Variants in ACVRL1 observed in about 807,000 individuals in gnomAD.
ACVRL1 encodes the protein activin receptor type-1-like.
In ACVRL1, 20 loss-of-function variants were observed where a neutral mutation model predicts 51.9. That is an observed-to-expected ratio of 0.39 (90% CI 0.27 to 0.56). The LOEUF (loss-of-function observed/expected upper bound fraction) is 0.56, where lower values mean the gene tolerates loss of function less well. Ranked by LOEUF, ACVRL1 falls within the 20% of genes least tolerant of loss-of-function variation. The pLI, the probability that ACVRL1 is intolerant of heterozygous loss-of-function variation, is 0.67. For missense variants in ACVRL1, 451 were observed against 670.3 expected (o/e 0.67, Z 3.61); for synonymous variants, 288 against 280.9 (o/e 1.03, Z -0.25).
intron 1 of ACVRL1, among the ~76,000 whole-genome samples, chr12:51,908,394 C>A (rs1940634887): frequency 2.0e-5 from 3 of 152,336 alleles, no homozygotes; most frequent in South Asian, 4.1e-4. Flanking sequence ...CTATGTATGG[C>A]CAGCTTCTGG....
chr12:51,912,584 G>T (rs1305778374), intron 2 of ACVRL1, 49 bp downstream of exon 2: 1 of 1,483,334 alleles, frequency 6.7e-7, no homozygotes, highest in Non-Finnish European at 9.4e-7. Context: ...ATACAGAAAG[G>T]GCTATCTGGG....
At position 51,920,729 on chromosome 12, in the gene ACVRL1, T is replaced by C. The variant is rs142910573; in HGVS notation, c.1378-30T>C. On this transcript the variant is annotated intron_variant, in intron 9 of 9. Transcript: ENST00000388922. ...TCTCTGCATCTCTCTCTCTGCCTCC[T>C]CTCCTCTGCACCTCTCTCCCAACCC... The C allele has an allele frequency of 0.022, 35,911 of 1,611,570 alleles. 537 individuals carry two copies. The highest frequency in any genetic ancestry group is 0.025 in the Non-Finnish European group (29,726 of 1,179,320).
chr12:51,914,702 GCATC>G, intron 6 of ACVRL1, 117 bp downstream of exon 6: 1 of 720,322 alleles, frequency 1.4e-6, no homozygotes, highest in Non-Finnish European at 2.1e-6. Flanking sequence ...CCCACCTGCA[GCATC>G]AACCTCTTTT....
At chr12:51,919,970 A>G (rs934104056) in intron 9 of ACVRL1, among the ~76,000 whole-genome samples, 1 of 152,152 alleles carries the variant, frequency 6.6e-6, no homozygotes, top group Non-Finnish European at 1.5e-5. Flanking sequence ...GCTAATAAAT[A>G]TTTACTGAAA....
intron 4 of ACVRL1, 97 bp downstream of exon 4, chr12:51,913,867 T>C (rs1298882306): frequency 5.1e-6 from 8 of 1,571,204 alleles, no homozygotes; most frequent in Non-Finnish European, 6.9e-6. Context: ...GGTGGGGAGC[T>C]GGGCGAGTGA....
intron 1 of ACVRL1, among the ~76,000 whole-genome samples, chr12:51,908,615 C>G (rs1940638165): frequency 6.6e-6 from 1 of 152,150 alleles, no homozygotes; most frequent in Admixed American, 6.5e-5. Flanking sequence ...TGGGACTTGT[C>G]CAAAACTCCT....
At chr12:51,915,829 T>C (rs1415087597) in intron 7 of ACVRL1, 11 of 653,806 alleles carry the variant, frequency 1.7e-5, no homozygotes, top group East Asian at 1.4e-4. Flanking sequence ...TCTCGCTGGG[T>C]TCTTGGGAAC....
At chr12:51,915,539 G>A (rs1940815751) in intron 7 of ACVRL1, 39 bp downstream of exon 7, 1 of 1,582,518 alleles carries the variant, frequency 6.3e-7, no homozygotes, top group African/African-American at 1.3e-5. Flanking sequence ...TTCACAGGTG[G>A]GCGGAGCTTG....
In ACVRL1 at chr12:51,913,586, G is replaced by T; in HGVS notation, c.341G>T (p.Gly114Val). The T allele has an allele frequency of 1.3e-6, 2 of 1,599,802 alleles. No individual in the cohort carries two copies. The highest frequency in any genetic ancestry group is 1.1e-5 in the South Asian group (1 of 90,928). ...ACCCAACCTCCTTCGGAGCAGCCGGGAACAGATGGCCAGCTGGCCCTGATC... is the reference window on the plus strand; with the variant it reads ...ACCCAACCTCCTTCGGAGCAGCCGGTAACAGATGGCCAGCTGGCCCTGATC... ...EATQPPSEQP[G>V]TDGQLALILG... is the part of the protein sequence containing the mutation. The change falls in exon 4 of 10, where the codon GGA (glycine) becomes GTA (valine). Residue 114 changes from glycine to valine, a missense_variant. Physicochemically the swap from Gly to Val is moderately radical, Grantham distance 109. Coordinates refer to ENST00000388922, the MANE Select transcript of ACVRL1 (RefSeq NM_000020.3).
In ACVRL1 at chr12:51,917,261, T is replaced by C. The variant is rs533934293; in HGVS notation, c.1246+1028T>C. ...TGTGCACTTAAACCTCTCTGGCCCTTGATTTCCTCATGCACGCAATGCATG... is the reference window on the plus strand; with the variant it reads ...TGTGCACTTAAACCTCTCTGGCCCTCGATTTCCTCATGCACGCAATGCATG... On this transcript the variant is annotated intron_variant, in intron 8 of 9. Transcript: ENST00000388922. This position sits in a 1 kb window ranked among gnomAD's most constrained non-coding sequence, Gnocchi z 4.2. Among the ~76,000 whole-genome samples the C allele has an allele frequency of 6.6e-6, 1 of 152,208 alleles. No individual in the cohort carries two copies. Among genetic ancestry groups the C allele is most frequent in the Non-Finnish European group, 1.5e-5 (1 of 68,026 alleles).
Position 51,914,021 on chromosome 12 carries a change from C to G in ACVRL1, c.573C>G (p.Pro191=), listed in dbSNP as rs1404977364. The G allele has an allele frequency of 1.2e-5, 19 of 1,613,806 alleles. No homozygotes were observed. The East Asian group carries it at 4.2e-4, about 36-fold the overall frequency. The change falls in exon 5 of 10, where the codon CCC becomes CCG. Residue 191 remains proline (P), a synonymous_variant. Coordinates refer to ENST00000388922, the MANE Select transcript of ACVRL1 (RefSeq NM_000020.3). The stretch of plus-strand genomic sequence containing the variant: ...CCACAGGGAGTGGCTCAGGGCTCCC[C>G]TTCCTGGTGCAGAGGACAGTGGCAC... The part of the protein sequence containing the change: ...DCTTGSGSGL[P]FLVQRTVARQ...
Position 51,913,650 on chromosome 12 carries a change from G to T in ACVRL1, c.405G>T (p.Leu135=). 6.2e-7 allele frequency: 1 copy of T among 1,607,548 alleles called. No individual in the cohort carries two copies. Among genetic ancestry groups the T allele is most frequent in the Non-Finnish European group, 8.5e-7 (1 of 1,179,962 alleles). Residue 135 remains leucine (L), a synonymous_variant, in exon 4 of 10, where the codon CTG becomes CTT. Transcript: ENST00000388922. ...PVLALLALVA[L]GVLGLWHVRR... Reference sequence around the variant, plus strand: ...TGGCCTTGCTGGCCCTGGTGGCCCTGGGTGTCCTGGGCCTGTGGCATGTCC... The same window carrying T: ...TGGCCTTGCTGGCCCTGGTGGCCCTTGGTGTCCTGGGCCTGTGGCATGTCC...
chr12:51,915,523 G>A (rs758204411), intron 7 of ACVRL1, 23 bp downstream of exon 7: 3 of 1,597,310 alleles, frequency 1.9e-6, no homozygotes, highest in Non-Finnish European at 2.6e-6. Context: ...GGGCAGGGGC[G>A]CGCCCTTCAC....
Position 51,922,931 on chromosome 12 carries a change from A to G in ACVRL1, c.*2038A>G, listed in dbSNP as rs1425580251. The stretch of plus-strand genomic sequence containing the variant: ...GAAACTGGGTGAAAACAGAAAGCTC[A>G]ATGGATGGGCTAGGTTCCCAGATCA... On this transcript the variant is annotated 3_prime_UTR_variant, in exon 10 of 10. Coordinates refer to ENST00000388922, the MANE Select transcript of ACVRL1 (RefSeq NM_000020.3). 1 of 152,650 alleles carries G rather than the reference A, an allele frequency of 6.6e-6. No individual in the cohort carries two copies. 9.5% of individuals were successfully genotyped at this position (152,650 alleles called of 1,614,324 possible). A position where few individuals can be genotyped will look rare whatever the true frequency, so the allele number is the denominator to read the frequency against.
At position 51,920,992 on chromosome 12, in the gene ACVRL1, G is replaced by A; in HGVS notation, c.*99G>A. ...GGTAGAGGTAGTGTGAGTGTGGTGT[G>A]TGCTGGGGATGGGCAGCTGCGCCTG... On this transcript the variant is annotated 3_prime_UTR_variant, in exon 10 of 10. Coordinates refer to ENST00000388922, the MANE Select transcript of ACVRL1 (RefSeq NM_000020.3). 7.1e-7 allele frequency: 1 copy of A among 1,407,426 alleles called. No homozygotes were observed. The highest frequency in any genetic ancestry group is 9.7e-7 in the Non-Finnish European group (1 of 1,029,678). The allele number at this position is 1,407,426 out of a possible 1,614,324, so 87.2% of individuals were successfully genotyped here.
Position 51,916,159 on chromosome 12 carries a change from A to G in ACVRL1, c.1172A>G (p.Glu391Gly). The G allele has an allele frequency of 6.2e-7, 1 of 1,614,200 alleles. No individual in the cohort carries two copies. Among genetic ancestry groups the G allele is most frequent in the Non-Finnish European group, 8.5e-7 (1 of 1,180,046 alleles). Residue 391 changes from glutamate to glycine, a missense_variant, in exon 8 of 10, where the codon GAG becomes GGG. Coordinates refer to ENST00000388922, the MANE Select transcript of ACVRL1 (RefSeq NM_000020.3). ...LDEQIRTDCFESYKWTDIWAF... is the reference protein window; with the variant it reads ...LDEQIRTDCFGSYKWTDIWAF... ...GAGCAGATCCGCACGGACTGCTTTG[A>G]GTCCTACAAGTGGACTGACATCTGG...
intron 9 of ACVRL1, chr12:51,919,324 T>C: frequency 5.8e-6 from 4 of 684,698 alleles, no homozygotes; most frequent in Admixed American, 2.5e-5. Flanking sequence ...TTTAAGAACC[T>C]TCACCTTCCC....
chr12:51,918,359 CAA>C (rs1299090583), intron 8 of ACVRL1, among the ~76,000 whole-genome samples: 1 of 152,234 alleles, frequency 6.6e-6, no homozygotes, highest in East Asian at 1.9e-4. Flanking sequence ...TGATCTTAGA[CAA>C]GTTTCTTAAA....
At chr12:51,914,620 C>T in intron 6 of ACVRL1, 35 bp downstream of exon 6, 1 of 1,590,320 alleles carries the variant, frequency 6.3e-7, no homozygotes, top group Non-Finnish European at 8.6e-7. Context: ...AGGCCTGGGG[C>T]TTTGCCCCCC....
Sources: gnomAD v4.1 joint callset for allele counts (sites outside exome capture counted in the v4.1 genomes callset) on GRCh38, gnomAD v4.1.1 for gene constraint, Gnocchi (gnomAD v3.1) non-coding constraint, MANE v1.5 for transcripts, NCBI Gene and HGNC (gene_info 2026-07-23, HGNC 2026-07-21) for gene names.